SIM1: variants seen among roughly 807,000 people sequenced by gnomAD.
The protein encoded by SIM1 is single-minded homolog 1.
SIM1 carries 18 observed loss-of-function variants against 78.2 expected under a neutral mutation model. The observed-to-expected ratio is 0.23, with a 90% CI of 0.16 to 0.34. The LOEUF is 0.34. Among genes scored for constraint, SIM1 ranks in the 10% least tolerant of loss-of-function variants. The pLI is 1.00. For missense variants in SIM1, 939 were observed against 975.1 expected (o/e 0.96, Z 0.49); for synonymous variants, 417 against 385.2 (o/e 1.08, Z -0.97).
At position 100,463,647 on chromosome 6, in the gene SIM1, G is replaced by A. The variant is rs865917079; in HGVS notation, c.-179C>T. The A allele has an allele frequency of 1.8e-6, 1 of 564,330 alleles. No homozygotes were observed. The highest frequency in any genetic ancestry group is 3.1e-6 in the Non-Finnish European group (1 of 323,260). The allele number at this position is 564,330 out of a possible 1,614,324, so 35.0% of individuals were successfully genotyped here. On this transcript the variant is annotated 5_prime_UTR_variant, in exon 2 of 12. Transcript: ENST00000369208. ...ATGGCAGTAAAAGACCAGCGGGGGT[G>A]AACGGAAAATATGTTCTTTGAAAAT...
At chr6:100,425,235 ACTGT>A (rs1771696039) in intron 9 of SIM1, among the ~76,000 whole-genome samples, 1 of 152,140 alleles carries the variant, frequency 6.6e-6, no homozygotes, top group South Asian at 2.1e-4. Context: ...GACATGTGGG[ACTGT>A]AAGTCCAATT....
At chr6:100,407,331 A>T (rs967152369) in intron 10 of SIM1, among the ~76,000 whole-genome samples, 57 of 152,238 alleles carry the variant, frequency 3.7e-4, no homozygotes, top group African/African-American at 1.3e-3. Context: ...TTCACTGTAC[A>T]TAGATACATT....
chr6:100,399,223 T>C (rs1316649439), intron 10 of SIM1, among the ~76,000 whole-genome samples: 1 of 152,080 alleles, frequency 6.6e-6, no homozygotes, highest in East Asian at 1.9e-4. Flanking sequence ...AAAAGATGAA[T>C]GGTTAAACAA....
At chr6:100,441,335 AC>A (rs562125612) in intron 9 of SIM1, among the ~76,000 whole-genome samples, 267 of 151,850 alleles carry the variant, frequency 1.8e-3, no homozygotes, top group African/African-American at 6.2e-3. Flanking sequence ...TCTGAATAGA[AC>A]CCCCAGGGGG....
intron 4 of SIM1, among the ~76,000 whole-genome samples, chr6:100,449,907 C>G (rs58052031): frequency 1.3e-5 from 2 of 151,996 alleles, no homozygotes; most frequent in Admixed American, 6.5e-5. Context: ...ATAAAAATAG[C>G]AGTAATAATG....
rs377467744 is a variant in SIM1, at chr6:100,412,581, AAG to A, written c.1167+8207_1167+8208del. Among the ~76,000 whole-genome samples the A allele has an allele frequency of 4.2e-3, 467 of 111,636 alleles. 22 individuals are homozygous for A. Among genetic ancestry groups the A allele is most frequent in the Middle Eastern group, 8.5e-3 (2 of 236 alleles). 73.2% of individuals were successfully genotyped at this position (111,636 alleles called of 152,430 possible). A position where few individuals can be genotyped will look rare whatever the true frequency, so the allele number is the denominator to read the frequency against. On this transcript the variant is annotated intron_variant, in intron 10 of 11. Transcript: ENST00000369208. ...AAAGAAAGAAAGAAAGAAAGAAAGAAAGAAAGAAAGAAAGAAAGAAAGAAAGA... is the reference window on the plus strand; with the variant it reads ...AAAGAAAGAAAGAAAGAAAGAAAGAAAAAGAAAGAAAGAAAGAAAGAAAGA...
intron 9 of SIM1, among the ~76,000 whole-genome samples, chr6:100,443,533 A>G (rs754436128): frequency 2.0e-5 from 3 of 152,108 alleles, no homozygotes; most frequent in Non-Finnish European, 4.4e-5. Context: ...CTATCCTACG[A>G]AAGTCTCCTC....
chr6:100,454,506 C>G lies in SIM1; in HGVS notation c.176-662G>C, dbSNP rs916848295. Among the ~76,000 whole-genome samples the G allele has an allele frequency of 3.9e-5, 6 of 152,264 alleles. No individual in the cohort carries two copies. The South Asian group carries it at 8.3e-4, about 21-fold the overall frequency. The stretch of plus-strand genomic sequence containing the variant: ...CTCTGCCTTACACACAGCTCATGCC[C>G]CCTACCCACCCCCCTACCACCAAAA... On this transcript the variant is annotated intron_variant, in intron 2 of 11. Transcript: ENST00000369208.
intron 10 of SIM1, among the ~76,000 whole-genome samples, chr6:100,412,616 GAAAGAAGGAAAGAAAGAAAGAAA>G (rs1771242301): frequency 3.3e-5 from 3 of 91,826 alleles, no homozygotes; most frequent in African/African-American, 7.7e-5. Context: ...AGAAAGGAAA[GAAAGAAGGAAAGAAAGAAAGAAA>G]AGAAAGAAAG....
chr6:100,418,359 A>AAAATAAATAAATAAAT (rs6149720), intron 10 of SIM1, among the ~76,000 whole-genome samples: 12,553 of 145,338 alleles, frequency 0.086, 648 homozygotes, highest in African/African-American at 0.13. Flanking sequence ...CCTGTCTCCA[A>AAAATAAATAAATAAAT]AAATAAATAA....
At chr6:100,430,353 T>G (rs1771869507) in intron 9 of SIM1, among the ~76,000 whole-genome samples, 1 of 152,234 alleles carries the variant, frequency 6.6e-6, no homozygotes, top group Non-Finnish European at 1.5e-5. Context: ...GGTGTTGGTC[T>G]TTAATAGTTA....
chr6:100,390,541 G>T lies in SIM1; in HGVS notation c.2121C>A (p.Asp707Glu), dbSNP rs979974681. The stretch of plus-strand genomic sequence containing the variant: ...ATCCAGTTAATGTGTAAGCATGCTT[G>T]TCAAAATACTGCCGGTGAGAGCCAA... Reference protein sequence around the residue: ...NCFGSHRQYFDKHAYTLTGYA... With the variant: ...NCFGSHRQYFEKHAYTLTGYA... The change falls in exon 12 of 12, where the codon GAC (aspartate) becomes GAA (glutamate). Residue 707 changes from aspartate (D) to glutamate (E), a missense_variant. By Grantham distance (45) the Asp-to-Glu change is conservative. Transcript: ENST00000369208. The T allele has an allele frequency of 1.2e-6, 2 of 1,614,186 alleles. No individual in the cohort carries two copies. The highest frequency in any genetic ancestry group is 3.3e-5 in the Admixed American group (2 of 60,032).
At position 100,393,596 on chromosome 6, in the gene SIM1, C is replaced by G; in HGVS notation, c.1461G>C (p.Glu487Asp). Residue 487 changes from glutamate (E) to aspartate (D), a missense_variant, in exon 11 of 12, where the codon GAG becomes GAC. Coordinates refer to ENST00000369208, the MANE Select transcript of SIM1 (RefSeq NM_005068.3). The part of the protein sequence containing the change: ...YFLGTPQAGR[E>D]PWWGSRAALP... ...AGGCTGCGCGAGAGCCCCACCAGGG[C>G]TCCCTCCCGGCCTGCGGCGTTCCCA... is the stretch of plus-strand genomic sequence containing the variant. 1.2e-6 allele frequency: 2 copies of G among 1,613,900 alleles called. No homozygotes were observed. The highest frequency in any genetic ancestry group is 1.7e-6 in the Non-Finnish European group (2 of 1,179,772).
At chr6:100,392,880 C>T (rs3778039) in intron 11 of SIM1, among the ~76,000 whole-genome samples, 31,517 of 152,134 alleles carry the variant, frequency 0.21, 4,303 homozygotes, top group East Asian at 0.6. Context: ...TCCATTTCGA[C>T]GTGTTTATAA....
chr6:100,400,337 A>G (rs1770881598), intron 10 of SIM1, among the ~76,000 whole-genome samples: 1 of 152,066 alleles, frequency 6.6e-6, no homozygotes, highest in African/African-American at 2.4e-5. Context: ...CAATCATCAA[A>G]ATCAAGCAAA....
chr6:100,428,641 A>G (rs1020563554), intron 9 of SIM1, among the ~76,000 whole-genome samples: 2 of 151,590 alleles, frequency 1.3e-5, no homozygotes, highest in Non-Finnish European at 2.9e-5. Flanking sequence ...GAATGTTCAT[A>G]CCTTAAATTC....
intron 2 of SIM1, among the ~76,000 whole-genome samples, chr6:100,459,098 T>C (rs1194792234): frequency 2.0e-5 from 3 of 152,210 alleles, no homozygotes; most frequent in Non-Finnish European, 2.9e-5. Context: ...TTCTTAGAAC[T>C]GGACAACAAC....
At position 100,398,933 on chromosome 6, in the gene SIM1, TTGTGTGTG is replaced by T. The variant is rs370296648; in HGVS notation, c.1168-5052_1168-5045del. Among the ~76,000 whole-genome samples, 965 of 147,046 alleles carry T rather than the reference TTGTGTGTG, an allele frequency of 6.6e-3. 6 individuals carry two copies. The highest frequency in any genetic ancestry group is 0.011 in the Non-Finnish European group (720 of 66,504). ...TCTACATCCTCACCAACACTTGTTA[TTGTGTGTG>T]TGTGTGTGTGTGTGTGTGTATGTGT... On this transcript the variant is annotated intron_variant, in intron 10 of 11. Transcript: ENST00000369208.
intron 10 of SIM1, among the ~76,000 whole-genome samples, chr6:100,400,456 T>C (rs1439099929): frequency 1.3e-5 from 2 of 151,796 alleles, no homozygotes; most frequent in Admixed American, 6.6e-5. Flanking sequence ...TTTAAAAAAA[T>C]GCTTCAACCT....
Sources: gnomAD v4.1 joint callset for allele counts (sites outside exome capture counted in the v4.1 genomes callset) on GRCh38, gnomAD v4.1.1 for gene constraint, MANE v1.5 for transcripts, NCBI Gene and HGNC (gene_info 2026-07-23, HGNC 2026-07-21) for gene names.